STAG3: variants seen among roughly 807,000 people sequenced by gnomAD.
STAG3 encodes STAG3 cohesin complex component.
Under a neutral mutation model 160.7 loss-of-function variants are expected in STAG3, and 101 were observed. That is an observed-to-expected ratio of 0.63 (90% CI 0.54 to 0.74). The LOEUF is 0.74. STAG3 is among the 30% of genes least tolerant of loss of function. STAG3 has a pLI of 0.00. For missense variants in STAG3, 1,188 were observed against 1,517.4 expected (o/e 0.78, Z 3.61); for synonymous variants, 519 against 585.0 (o/e 0.89, Z 1.63).
Position 100,203,123 on chromosome 7 carries a change from T to C in STAG3, c.2700+533T>C, listed in dbSNP as rs564737739. Among the ~76,000 whole-genome samples, 12 of 152,252 alleles carry C rather than the reference T, an allele frequency of 7.9e-5. 1 individual carries two copies. The highest frequency in any genetic ancestry group is 2.6e-4 in the African/African-American group (11 of 41,544). ...GTGTCAGTGCTGTGTGAGAGGGCAC[T>C]GTCAGGCTTACTTCTCTTCTCCAAG... On this transcript the variant is annotated intron_variant, in intron 25 of 33. Coordinates refer to ENST00000615138, the MANE Select transcript of STAG3 (RefSeq NM_001282717.2).
chr7:100,179,070 G>A (rs903874434), intron 1 of STAG3, among the ~76,000 whole-genome samples: 1 of 151,526 alleles, frequency 6.6e-6, no homozygotes, highest in Non-Finnish European at 1.5e-5. Flanking sequence ...GAACTCGTAG[G>A]GTTAGGCAGT....
intron 30 of STAG3, 76 bp from the exon 31 acceptor site, chr7:100,211,359 C>A: frequency 6.5e-7 from 1 of 1,533,318 alleles, no homozygotes; most frequent in Non-Finnish European, 9.0e-7. Context: ...GCTTTTCTCC[C>A]CATTAACACC....
Position 100,199,316 on chromosome 7 carries a change from C to T in STAG3, c.1522C>T (p.Arg508Trp), listed in dbSNP as rs762664360. 21 of 1,613,990 alleles carry T rather than the reference C, an allele frequency of 1.3e-5. No homozygotes were observed. The highest frequency in any genetic ancestry group is 8.3e-5 in the Admixed American group (5 of 59,990). Reference protein sequence around the residue: ...VDSLWDCAGARLKDWEGLTSL... With the variant: ...VDSLWDCAGAWLKDWEGLTSL... ...CAGTCTGTGGGACTGTGCAGGGGCT[C>T]GGCTGAAGGACTGGGAGGGTCTGAC... Residue 508 changes from arginine (R) to tryptophan (W), a missense_variant, in exon 15 of 34, where the codon CGG (arginine) becomes TGG (tryptophan). Transcript: ENST00000615138.
Position 100,182,806 on chromosome 7 carries a change from C to G in STAG3, c.303C>G (p.Phe101Leu). 1.2e-6 allele frequency: 2 copies of G among 1,613,878 alleles called. No homozygotes were observed. The highest frequency in any genetic ancestry group is 1.7e-6 in the Non-Finnish European group (2 of 1,179,862). Residue 101 changes from phenylalanine (F) to leucine (L), a missense_variant, in exon 4 of 34, where the codon TTC (phenylalanine) becomes TTG (leucine). Coordinates refer to ENST00000615138, the MANE Select transcript of STAG3 (RefSeq NM_001282717.2). ...KQSEPPANDL[F>L]NAVKAAKSDM... ...CAGAGCCACCAGCCAATGATCTTTT[C>G]AATGCTGTGAAAGCCGCCAAAAGTG...
rs754968929 is a variant in STAG3, at chr7:100,188,785, CCATCCTTTTCATA to C, written c.511-17_511-5del. On this transcript the variant is annotated splice_polypyrimidine_tract_variant and intron_variant, in intron 6 of 33. Coordinates refer to ENST00000615138, the MANE Select transcript of STAG3 (RefSeq NM_001282717.2). The stretch of plus-strand genomic sequence containing the variant: ...CTTCATGGACCTGGTAATAACTTTC[CCATCCTTTTCATA>C]CATCCTTTTGTAGGACTCGGGGGAC... 2.5e-6 allele frequency: 4 copies of C among 1,612,276 alleles called. No homozygotes were observed. The African/African-American group carries it at 4.0e-5, about 16-fold the overall frequency.
intron 32 of STAG3, 60 bp downstream of exon 32, chr7:100,211,936 G>A: frequency 6.5e-7 from 1 of 1,537,564 alleles, no homozygotes; most frequent in South Asian, 1.1e-5. Flanking sequence ...CCAAAGAGAA[G>A]CCAGGGTGTT....
At chr7:100,200,690 T>G in intron 18 of STAG3, 79 bp from the exon 19 acceptor site, 1 of 1,565,224 alleles carries the variant, frequency 6.4e-7, no homozygotes, top group South Asian at 1.1e-5. Flanking sequence ...TTAATGCTTT[T>G]AACCCCGTTC....
At chr7:100,200,212 A>AC in intron 16 of STAG3, 24 bp from the exon 17 acceptor site, 1 of 1,585,034 alleles carries the variant, frequency 6.3e-7, no homozygotes, top group Non-Finnish European at 8.6e-7. Flanking sequence ...CACCTCCCCC[A>AC]CCCCCAAGTG....
intron 32 of STAG3, 130 bp from the exon 33 acceptor site, chr7:100,213,605 A>G (rs1221384394): frequency 5.3e-6 from 8 of 1,512,498 alleles, no homozygotes; most frequent in Non-Finnish European, 7.0e-6. Flanking sequence ...CTTCCCTCCC[A>G]GGAGGTGCCA....
chr7:100,217,920 A>G (rs1802907486), downstream of STAG3, among the ~76,000 whole-genome samples: 1 of 151,134 alleles, frequency 6.6e-6, no homozygotes, highest in African/African-American at 2.4e-5. Flanking sequence ...TCACAGGGAG[A>G]CGGTTAGGCC....
chr7:100,216,519 G>T (rs201737568), downstream of STAG3, among the ~76,000 whole-genome samples: 5 of 152,186 alleles, frequency 3.3e-5, no homozygotes, highest in South Asian at 2.1e-4. Flanking sequence ...TTCAGTTTAG[G>T]GCTGGGTGCG....
chr7:100,179,026 G>T (rs1166216496), intron 1 of STAG3, among the ~76,000 whole-genome samples: 2 of 151,694 alleles, frequency 1.3e-5, no homozygotes, highest in African/African-American at 4.8e-5. Flanking sequence ...TTTTCGTAGA[G>T]ACAGGATCTT....
downstream of STAG3, among the ~76,000 whole-genome samples, chr7:100,215,347 C>T (rs950058062): frequency 6.6e-6 from 1 of 152,128 alleles, no homozygotes; most frequent in Non-Finnish European, 1.5e-5. Flanking sequence ...TCCCTCCCCG[C>T]CCCCACCTGC....
At chr7:100,210,481 C>T (rs1438883740) in intron 29 of STAG3, among the ~76,000 whole-genome samples, 4 of 152,126 alleles carry the variant, frequency 2.6e-5, no homozygotes, top group African/African-American at 9.7e-5. Context: ...GCATTGCAAT[C>T]ACTTCATTTT....
intron 33 of STAG3, 50 bp from the exon 34 acceptor site, chr7:100,213,957 A>T: frequency 6.2e-7 from 1 of 1,614,104 alleles, no homozygotes; most frequent in Non-Finnish European, 8.5e-7. Context: ...TGGTCTGCCC[A>T]TTGGCCCGTT....
At chr7:100,212,207 A>G in intron 32 of STAG3, 1 of 228,944 alleles carries the variant, frequency 4.4e-6, no homozygotes, top group Non-Finnish European at 8.7e-6. Flanking sequence ...TCCAAGTGGC[A>G]GCCCCTTCAG....
chr7:100,199,125 A>G (rs560407700), intron 14 of STAG3, 137 bp from the exon 15 acceptor site: 19 of 859,876 alleles, frequency 2.2e-5, no homozygotes, highest in South Asian at 1.8e-4. Context: ...CCCTGTCTCT[A>G]TCGAAAAAAA....
chr7:100,213,255 C>G, intron 32 of STAG3: 1 of 994,288 alleles, frequency 1.0e-6, no homozygotes, highest in South Asian at 4.1e-5. Context: ...AACAGCATCA[C>G]ACTGGGGGAA....
intron 9 of STAG3, 143 bp from the exon 10 acceptor site, chr7:100,197,013 A>G: frequency 1.6e-6 from 1 of 616,092 alleles, no homozygotes; most frequent in Non-Finnish European, 2.9e-6. Context: ...TAGTATTTAC[A>G]TCGGGAGGAA....
Sources: allele counts gnomAD v4.1 joint callset (sites outside exome capture counted in the v4.1 genomes callset), GRCh38; gene constraint gnomAD v4.1.1; transcripts MANE v1.5; gene names NCBI Gene and HGNC (gene_info 2026-07-23, HGNC 2026-07-21).